HNRNPC: variants seen among roughly 807,000 people sequenced by gnomAD.
HNRNPC encodes the protein heterogeneous nuclear ribonucleoproteins C1/C2.
HNRNPC carries 3 observed loss-of-function variants against 33.2 expected under a neutral mutation model. That is an observed-to-expected ratio of 0.09 (90% CI 0.04 to 0.23). The LOEUF (loss-of-function observed/expected upper bound fraction) is 0.23. HNRNPC is among the 10% of genes least tolerant of loss of function. HNRNPC has a pLI of 1.00. For missense variants in HNRNPC, 143 were observed against 366.7 expected (o/e 0.39, Z 4.98); for synonymous variants, 121 against 126.7 (o/e 0.96, Z 0.30).
intron 5 of HNRNPC, among the ~76,000 whole-genome samples, chr14:21,219,108 C>CAAAAAAAAA (rs555837563): frequency 3.1e-5 from 3 of 96,374 alleles, no homozygotes; most frequent in Non-Finnish European, 4.2e-5. Context: ...GACTCTTTCT[C>CAAAAAAAAA]AAAAAAAAAA....
intron 2 of HNRNPC, chr14:21,236,583 G>A (rs1374714149): frequency 6.6e-6 from 1 of 152,192 alleles, no homozygotes; most frequent in Non-Finnish European, 1.5e-5. Flanking sequence ...ACTGTCCTGA[G>A]AGCTTCCTTA....
At chr14:21,244,098 C>G (rs925078148) in intron 2 of HNRNPC, among the ~76,000 whole-genome samples, 1 of 150,986 alleles carries the variant, frequency 6.6e-6, no homozygotes, top group African/African-American at 2.4e-5. Flanking sequence ...TTGCGATCTT[C>G]GATCACTGCA....
chr14:21,230,998 C>T lies in HNRNPC; in HGVS notation c.316G>A (p.Gly106Ser). The change falls in exon 4 of 9, where the codon GGC becomes AGC. Residue 106 changes from glycine (G) to serine (S), a missense_variant and splice_region_variant. By Grantham distance (56) the Gly-to-Ser change is moderately conservative. Around this residue, in one of 2 missense-constraint regions of HNRNPC, gnomAD observed 131 missense variants for 253.0 expected, o/e 0.52. Coordinates refer to ENST00000553300, the MANE Select transcript of HNRNPC (RefSeq NM_004500.4). The stretch of plus-strand genomic sequence containing the variant: ...GGAGAAGGGTGTTCTGTTACTGACC[C>T]GTACATCTCCGCTGCAGATCGTTTC... ...GVKRSAAEMY[G>S]SSFDLDYDFQ... 1.2e-6 allele frequency: 2 copies of T among 1,614,166 alleles called. No individual in the cohort carries two copies. The highest frequency in any genetic ancestry group is 1.7e-6 in the Non-Finnish European group (2 of 1,180,036).
chr14:21,225,428 T>A (rs763889200), intron 5 of HNRNPC, among the ~76,000 whole-genome samples: 2 of 146,656 alleles, frequency 1.4e-5, no homozygotes, highest in Middle Eastern at 6.9e-3. Context: ...CAAGACTCTG[T>A]CTCAAAAAAA....
At chr14:21,230,170 C>T (rs908159100) in intron 5 of HNRNPC, 149 bp downstream of exon 5, 3 of 526,662 alleles carry the variant, frequency 5.7e-6, no homozygotes, top group Non-Finnish European at 1.0e-5. Context: ...TAATAATCTA[C>T]TTAATGATTT....
intron 2 of HNRNPC, among the ~76,000 whole-genome samples, chr14:21,261,172 CTCA>C (rs1241775677): frequency 6.6e-6 from 1 of 152,066 alleles, no homozygotes; most frequent in African/African-American, 2.4e-5. Context: ...GTGTTTACCT[CTCA>C]TCATATATGG....
In HNRNPC at chr14:21,211,975, G is replaced by A. The variant is rs761111931; in HGVS notation, c.524-52C>T. On this transcript the variant is annotated intron_variant, in intron 6 of 8. Coordinates refer to ENST00000553300, the MANE Select transcript of HNRNPC (RefSeq NM_004500.4). ...AAAATCAAATGTACCGAAGATATGA[G>A]TTAGCAAATACACTGCCACCAGACT... The A allele has an allele frequency of 2.8e-5, 39 of 1,384,014 alleles. No homozygotes were observed. The Admixed American group carries it at 6.5e-4, about 23-fold the overall frequency. The allele number at this position is 1,384,014 out of a possible 1,614,324, so 85.7% of individuals were successfully genotyped here.
chr14:21,244,172 A>T (rs1895680933), intron 2 of HNRNPC, among the ~76,000 whole-genome samples: 1 of 151,888 alleles, frequency 6.6e-6, no homozygotes, highest in African/African-American at 2.4e-5. Context: ...AATTTTTTGT[A>T]CTTTTAGTAG....
intron 2 of HNRNPC, among the ~76,000 whole-genome samples, chr14:21,255,037 C>T (rs1017710027): frequency 1.3e-5 from 2 of 152,262 alleles, no homozygotes; most frequent in Non-Finnish European, 2.9e-5. Flanking sequence ...TTTCTTCTCG[C>T]TCTGAAGCTA....
chr14:21,248,917 A>G (rs1896302318), intron 2 of HNRNPC, among the ~76,000 whole-genome samples: 1 of 144,940 alleles, frequency 6.9e-6, no homozygotes, highest in African/African-American at 2.7e-5. Flanking sequence ...GGAGAAAACA[A>G]GTGCCTGACA....
chr14:21,236,288 CAA>C (rs952318930), intron 2 of HNRNPC: 1 of 152,082 alleles, frequency 6.6e-6, no homozygotes, highest in African/African-American at 2.4e-5. Flanking sequence ...AAATTTGCTA[CAA>C]AAATCATCAA....
intron 2 of HNRNPC, among the ~76,000 whole-genome samples, chr14:21,251,426 C>T (rs988162627): frequency 6.6e-6 from 1 of 152,084 alleles, no homozygotes; most frequent in Non-Finnish European, 1.5e-5. Context: ...CACCTGTACT[C>T]CCAACACTTT....
intron 2 of HNRNPC, among the ~76,000 whole-genome samples, chr14:21,246,489 C>G (rs1043669642): frequency 9.2e-5 from 14 of 151,766 alleles, no homozygotes; most frequent in African/African-American, 2.9e-4. Context: ...TGGCGTGAAC[C>G]CGGGAGGCAG....
chr14:21,237,496 G>A (rs961989178), intron 2 of HNRNPC, among the ~76,000 whole-genome samples: 1 of 152,136 alleles, frequency 6.6e-6, no homozygotes, highest in African/African-American at 2.4e-5. Flanking sequence ...GCAGCAGCTG[G>A]GACCAAGGCT....
At chr14:21,211,671 A>C in intron 7 of HNRNPC, 105 bp from the exon 8 acceptor site, 16 of 1,434,444 alleles carry the variant, frequency 1.1e-5, no homozygotes, top group Non-Finnish European at 1.5e-5. Context: ...AAATCCTCCC[A>C]CACAAATACC....
At chr14:21,244,241 C>T (rs991430222) in intron 2 of HNRNPC, among the ~76,000 whole-genome samples, 3 of 152,152 alleles carry the variant, frequency 2.0e-5, no homozygotes, top group African/African-American at 7.2e-5. Flanking sequence ...TCAGGTGATC[C>T]GCCGACCTCC....
intron 2 of HNRNPC, among the ~76,000 whole-genome samples, chr14:21,245,130 G>T (rs1211441277): frequency 1.3e-5 from 2 of 149,150 alleles, no homozygotes; most frequent in African/African-American, 4.9e-5. Context: ...CAAGGGCTGA[G>T]TCTAAGTTCT....
At chr14:21,215,639 G>A (rs1283486503) in intron 5 of HNRNPC, among the ~76,000 whole-genome samples, 2 of 152,176 alleles carry the variant, frequency 1.3e-5, no homozygotes, top group Non-Finnish European at 2.9e-5. Flanking sequence ...GGAGGCTCAT[G>A]CCTGTAATCC....
chr14:21,214,167 G>GTA (rs1388658343), intron 5 of HNRNPC, among the ~76,000 whole-genome samples: 1 of 152,032 alleles, frequency 6.6e-6, no homozygotes, highest in Non-Finnish European at 1.5e-5. Context: ...AAAGGCCCAG[G>GTA]TACTCTATAA....
Sources: gnomAD v4.1 joint callset for allele counts (sites outside exome capture counted in the v4.1 genomes callset) on GRCh38, gnomAD v4.1.1 for gene constraint, gnomAD v4.1.1 regional missense constraint, MANE v1.5 for transcripts, NCBI Gene and HGNC (gene_info 2026-07-23, HGNC 2026-07-21) for gene names.